The following BBS9 variants were observed in gnomAD, a reference collection of about 807,000 sequenced individuals.
The protein encoded by BBS9 is protein PTHB1.
BBS9 carries 89 observed loss-of-function variants against 117.7 expected under a neutral mutation model. That is an observed-to-expected ratio of 0.76 (90% CI 0.64 to 0.90). BBS9 has a LOEUF of 0.90. Among genes scored for constraint, BBS9 ranks in the 40% least tolerant of loss-of-function variants. BBS9 has a pLI of 0.00. For synonymous variants in BBS9, 379 were observed against 370.9 expected, an observed-to-expected ratio of 1.02 and a Z score of -0.25; for missense variants, 982 against 1,042.2, an observed-to-expected ratio of 0.94 and a Z score of 0.80.
intron 19 of BBS9, among the ~76,000 whole-genome samples, chr7:33,419,270 G>T (rs1832503010): frequency 6.6e-6 from 1 of 151,858 alleles, no homozygotes; most frequent in Admixed American, 6.6e-5. Context: ...GAAATATATG[G>T]ACTTGAAGTT....
At position 33,623,508 on chromosome 7, in the gene BBS9, A is replaced by G. The variant is rs942727702; in HGVS notation, c.2522-11669A>G. ...TTGCACGTGCACATAACCTATCACC[A>G]GGAATTACATTCCTAGATGTATAAC... On this transcript the variant is annotated intron_variant, in intron 21 of 21. Transcript: ENST00000671952. 2.6e-5 allele frequency among the ~76,000 whole-genome samples: 4 copies of G among 152,304 alleles called. No individual in the cohort carries two copies. The East Asian group carries it at 7.7e-4, about 29-fold the overall frequency.
At chr7:33,297,173 A>G (rs184534998) in intron 9 of BBS9, among the ~76,000 whole-genome samples, 334 of 152,268 alleles carry the variant, frequency 2.2e-3, no homozygotes, top group Non-Finnish European at 3.4e-3. Context: ...ACCTGTTGTG[A>G]ATTATTTCAG....
intron 20 of BBS9, among the ~76,000 whole-genome samples, chr7:33,518,163 AAAAC>A (rs1328783088): frequency 6.6e-6 from 1 of 152,052 alleles, no homozygotes; most frequent in African/African-American, 2.4e-5. Context: ...CATGAGAGCT[AAAAC>A]AAATAATTAC....
chr7:33,372,226 A>C lies in BBS9; in HGVS notation c.1789+4364A>C, dbSNP rs114029996. Among the ~76,000 whole-genome samples, 935 of 152,310 alleles carry C rather than the reference A, an allele frequency of 6.1e-3. 8 individuals are homozygous for C. The highest frequency in any genetic ancestry group is 0.017 in the Middle Eastern group (5 of 294). On this transcript the variant is annotated intron_variant, in intron 17 of 22. Transcript: ENST00000242067. ...CTCATCACTGGGGGACTGGATTGCT[A>C]AAGTGGAGAGAAGACCAATGGGGAC...
At chr7:33,404,894 A>G (rs1331465603) in intron 19 of BBS9, among the ~76,000 whole-genome samples, 35 of 152,182 alleles carry the variant, frequency 2.3e-4, no homozygotes, top group Non-Finnish European at 3.4e-4. Context: ...GAATAGGAGT[A>G]GTGAGAGAGG....
At chr7:33,304,757 A>C (rs989380886) in intron 9 of BBS9, among the ~76,000 whole-genome samples, 1 of 152,162 alleles carries the variant, frequency 6.6e-6, no homozygotes, top group African/African-American at 2.4e-5. Context: ...AGAAAGAAGT[A>C]GACATAGGAG....
At chr7:33,416,444 A>G (rs1832030291) in intron 19 of BBS9, among the ~76,000 whole-genome samples, 2 of 152,138 alleles carry the variant, frequency 1.3e-5, no homozygotes, top group Admixed American at 1.3e-4. Context: ...TGTAAAAATT[A>G]GAAAAATGAA....
At chr7:33,463,415 GA>G (rs146548292) in intron 19 of BBS9, among the ~76,000 whole-genome samples, 10 of 148,502 alleles carry the variant, frequency 6.7e-5, no homozygotes, top group South Asian at 2.1e-4. Context: ...ACTTGTGAAA[GA>G]AAAAAAAAAT....
At chr7:33,320,266 C>G (rs1343712592) in intron 9 of BBS9, among the ~76,000 whole-genome samples, 1 of 152,064 alleles carries the variant, frequency 6.6e-6, no homozygotes, top group Non-Finnish European at 1.5e-5. Flanking sequence ...CTCTGGTAAT[C>G]ATTGTTCTAC....
At chr7:33,332,149 G>C (rs1041687315) in intron 9 of BBS9, among the ~76,000 whole-genome samples, 3 of 148,412 alleles carry the variant, frequency 2.0e-5, no homozygotes, top group African/African-American at 4.9e-5. Context: ...AATAAAGCCA[G>C]ACTTCGAGCG....
At chr7:33,349,275 G>A (rs769554781) in intron 13 of BBS9, 105 bp downstream of exon 13, 2 of 824,264 alleles carry the variant, frequency 2.4e-6, no homozygotes, top group Admixed American at 3.8e-5. Flanking sequence ...GGTGAGATTG[G>A]GATCGTCCCA....
rs532649923 is a variant in BBS9, at chr7:33,340,081, T to G, written c.1199-816T>G. 2.0e-5 allele frequency among the ~76,000 whole-genome samples: 3 copies of G among 152,098 alleles called. No homozygotes were observed. In the South Asian group the frequency reaches 6.2e-4, roughly 32 times the overall value. On this transcript the variant is annotated intron_variant, in intron 10 of 22. Coordinates refer to ENST00000242067, the MANE Select transcript of BBS9 (RefSeq NM_198428.3). ...TTATGCAACATAAACATGTTTAAAA[T>G]TATGAAAATAACATGTGTATGGTAA...
chr7:33,445,275 T>C (rs984789374), intron 19 of BBS9, among the ~76,000 whole-genome samples: 4 of 152,202 alleles, frequency 2.6e-5, no homozygotes, highest in Admixed American at 6.5e-5. Context: ...ATATTCCTAT[T>C]AGAACTGTTA....
At chr7:33,481,781 G>C (rs1224186890) in intron 19 of BBS9, among the ~76,000 whole-genome samples, 1 of 152,152 alleles carries the variant, frequency 6.6e-6, no homozygotes, top group Non-Finnish European at 1.5e-5. Context: ...GTTTGGAGTG[G>C]AGAGGAAGAA....
chr7:33,296,502 C>T (rs557153283), intron 9 of BBS9, among the ~76,000 whole-genome samples: 19 of 152,256 alleles, frequency 1.2e-4, no homozygotes, highest in African/African-American at 4.6e-4. Flanking sequence ...GGAATAATCA[C>T]CTGCTTTATT....
intron 19 of BBS9, among the ~76,000 whole-genome samples, chr7:33,408,256 A>G (rs1028660070): frequency 3.3e-5 from 5 of 152,260 alleles, no homozygotes; most frequent in Middle Eastern, 3.4e-3. Context: ...GCGGGATATA[A>G]TCTCCTGGTG....
intron 19 of BBS9, among the ~76,000 whole-genome samples, chr7:33,484,067 T>A (rs1175405818): frequency 1.1e-4 from 16 of 152,238 alleles, no homozygotes; most frequent in Admixed American, 1.0e-3. Flanking sequence ...GAGAAAAAGT[T>A]CTGAAATGTG....
chr7:33,243,309 G>T (rs751947664), intron 5 of BBS9, among the ~76,000 whole-genome samples: 2 of 152,200 alleles, frequency 1.3e-5, no homozygotes, highest in Non-Finnish European at 2.9e-5. Flanking sequence ...AGCTGATTTA[G>T]AAATATCTAT....
At chr7:33,208,363 C>T (rs888572509) in intron 5 of BBS9, among the ~76,000 whole-genome samples, 2 of 152,194 alleles carry the variant, frequency 1.3e-5, no homozygotes, top group African/African-American at 4.8e-5. Context: ...GCAAATTCCT[C>T]TAAGTATTCG....
Sources: gnomAD v4.1 joint callset for allele counts (sites outside exome capture counted in the v4.1 genomes callset) on GRCh38, gnomAD v4.1.1 for gene constraint, MANE v1.5 for transcripts, NCBI Gene and HGNC (gene_info 2026-07-23, HGNC 2026-07-21) for gene names.